The following CYSLTR1 variants were observed in gnomAD, a reference collection of about 807,000 sequenced individuals.
CYSLTR1 encodes G-protein coupled receptor HG55.
A neutral mutation model predicts 2.1 loss-of-function variants in CYSLTR1; 1 was observed. The observed-to-expected ratio is 0.48, with a 90% CI of 0.17 to 2.28. CYSLTR1 has a LOEUF of 2.28. CYSLTR1 is among the 30% of genes most tolerant of loss of function. The probability of loss-of-function intolerance (pLI) is 0.26; values close to 1 mark genes in which losing one functional copy is unlikely to be tolerated. For synonymous variants in CYSLTR1, 110 were observed against 89.6 expected (o/e 1.23, Z -1.28); for missense variants, 299 against 250.1 (o/e 1.20, Z -1.32).
intron 1 of CYSLTR1, among the ~76,000 whole-genome samples, chrX:78,307,667 T>C (rs1457041623): frequency 9.0e-6 from 1 of 111,508 alleles, no homozygotes; most frequent in Non-Finnish European, 1.9e-5. Flanking sequence ...ACAAGAATAC[T>C]TGGGGTCATC....
intron 1 of CYSLTR1, among the ~76,000 whole-genome samples, chrX:78,312,733 C>A (rs748341663): frequency 1.8e-5 from 2 of 111,989 alleles, no homozygotes; most frequent in Non-Finnish European, 3.8e-5. Context: ...TCACTAATCA[C>A]CAGAGAAATG....
At chrX:78,302,107 T>A (rs1922843107) in intron 1 of CYSLTR1, among the ~76,000 whole-genome samples, 2 of 112,091 alleles carry the variant, frequency 1.8e-5, no homozygotes, top group Non-Finnish European at 3.8e-5. Context: ...GAGTTTCAAA[T>A]CAAGATGAGA....
chrX:78,271,879 G>A lies in CYSLTR1; in HGVS notation c.*854C>T, dbSNP rs758543875. On this transcript the variant is annotated 3_prime_UTR_variant, in exon 3 of 3. Transcript: ENST00000373304. ...ATCCCAGCAATTGGCATATAGAAAA[G>A]TAGATTCCTTTTCCTTTTCTCTTCT... 3.6e-5 allele frequency: 4 copies of A among 112,245 alleles called. No homozygotes were observed. The highest frequency in any genetic ancestry group is 7.5e-5 in the Non-Finnish European group (4 of 53,231). 9.3% of individuals were successfully genotyped at this position (112,245 alleles called of 1,213,427 possible).
intron 2 of CYSLTR1, among the ~76,000 whole-genome samples, chrX:78,282,130 C>A (rs766686973): frequency 8.9e-6 from 1 of 111,935 alleles, no homozygotes; most frequent in Non-Finnish European, 1.9e-5. Flanking sequence ...CTTGAAATGG[C>A]CTTTCCTCCT....
At chrX:78,312,357 C>T (rs767188094) in intron 1 of CYSLTR1, among the ~76,000 whole-genome samples, 49 of 111,403 alleles carry the variant, frequency 4.4e-4, no homozygotes, top group African/African-American at 1.6e-3. Flanking sequence ...TGGAAAACCT[C>T]GAACCTTAAA....
intron 1 of CYSLTR1, among the ~76,000 whole-genome samples, chrX:78,300,164 T>C (rs902720692): frequency 2.7e-5 from 3 of 112,522 alleles, no homozygotes. Flanking sequence ...TAATCTTTGT[T>C]AAATTTACCT....
intron 1 of CYSLTR1, among the ~76,000 whole-genome samples, chrX:78,289,352 C>T (rs1441520736): frequency 1.8e-5 from 2 of 112,164 alleles, no homozygotes; most frequent in African/African-American, 6.5e-5. Flanking sequence ...TTTTCTTTAT[C>T]CAGTCTATCA....
intron 1 of CYSLTR1, among the ~76,000 whole-genome samples, chrX:78,313,715 G>A (rs321007): frequency 0.51 from 56,033 of 109,926 alleles, 12,679 homozygotes; most frequent in Non-Finnish European, 0.7. Context: ...GGCCCTGGAC[G>A]TGGGCATGGA....
chrX:78,317,137 G>GA (rs1359871957), intron 1 of CYSLTR1, among the ~76,000 whole-genome samples: 1 of 111,330 alleles, frequency 9.0e-6, no homozygotes, highest in Non-Finnish European at 1.9e-5. Context: ...AAATCAGCAA[G>GA]AAAAAAACAA....
intron 1 of CYSLTR1, among the ~76,000 whole-genome samples, chrX:78,308,803 C>G (rs955518667): frequency 9.0e-6 from 1 of 111,572 alleles, no homozygotes; most frequent in Non-Finnish European, 1.9e-5. Context: ...TCTCTTAGAG[C>G]TTAACTCAGG....
At chrX:78,289,669 A>G (rs1922231925) in intron 1 of CYSLTR1, among the ~76,000 whole-genome samples, 2 of 111,764 alleles carry the variant, frequency 1.8e-5, no homozygotes, top group Non-Finnish European at 3.8e-5. Flanking sequence ...CTGGCGTGAG[A>G]TGGTATCTCA....
Position 78,272,126 on chromosome X carries a change from G to T in CYSLTR1, c.*607C>A, listed in dbSNP as rs1300852548. ...TTCTCCTGTTGCCATATTGAACATT[G>T]TATGGTGCTTTTAGGACCCTTTAGC... On this transcript the variant is annotated 3_prime_UTR_variant, in exon 3 of 3. Transcript: ENST00000373304. 1 of 111,592 alleles carries T rather than the reference G, an allele frequency of 9.0e-6. No individual in the cohort carries two copies. Among genetic ancestry groups the T allele is most frequent in the African/African-American group, 3.3e-5 (1 of 30,718 alleles). The allele number at this position is 111,592 out of a possible 1,213,427, so 9.2% of individuals were successfully genotyped here.
At chrX:78,281,594 A>T (rs1921847261) in intron 2 of CYSLTR1, among the ~76,000 whole-genome samples, 1 of 111,322 alleles carries the variant, frequency 9.0e-6, no homozygotes, top group Non-Finnish European at 1.9e-5. Context: ...TTGATTTTTA[A>T]ATAATAGCCA....
chrX:78,305,529 T>TA (rs1048945788), intron 1 of CYSLTR1, among the ~76,000 whole-genome samples: 6 of 110,360 alleles, frequency 5.4e-5, no homozygotes, highest in African/African-American at 6.6e-5. Flanking sequence ...AAAATTTATT[T>TA]TTTTTCTAGA....
intron 1 of CYSLTR1, among the ~76,000 whole-genome samples, chrX:78,292,706 C>G (rs1007418900): frequency 3.6e-5 from 4 of 111,179 alleles, no homozygotes; most frequent in Non-Finnish European, 7.5e-5. Flanking sequence ...TGAATTGATC[C>G]CTTTACCATT....
At chrX:78,323,814 T>C (rs1044192948) in intron 1 of CYSLTR1, among the ~76,000 whole-genome samples, 1 of 111,580 alleles carries the variant, frequency 9.0e-6, no homozygotes, top group Non-Finnish European at 1.9e-5. Context: ...CAGTTCCACA[T>C]ATGTAGGAGC....
chrX:78,303,829 C>T (rs1263954419), intron 1 of CYSLTR1, among the ~76,000 whole-genome samples: 1 of 111,515 alleles, frequency 9.0e-6, no homozygotes, highest in Non-Finnish European at 1.9e-5. Context: ...CAAATCACTT[C>T]TTTTTTTATG....
At chrX:78,282,807 T>C (rs321071) in intron 2 of CYSLTR1, among the ~76,000 whole-genome samples, 61,067 of 110,787 alleles carry the variant, frequency 0.55, 13,927 homozygotes, top group Non-Finnish European at 0.72. Flanking sequence ...ATAATTAAAT[T>C]TGAAATTCTC....
At chrX:78,324,474 T>C (rs1923792549) in intron 1 of CYSLTR1, among the ~76,000 whole-genome samples, 1 of 111,736 alleles carries the variant, frequency 8.9e-6, no homozygotes, top group African/African-American at 3.3e-5. Flanking sequence ...TTCAAGCGAT[T>C]CTCCTGCCTC....
Sources: allele counts gnomAD v4.1 joint callset (sites outside exome capture counted in the v4.1 genomes callset), GRCh38; gene constraint gnomAD v4.1.1; transcripts MANE v1.5; gene names NCBI Gene and HGNC (gene_info 2026-07-23, HGNC 2026-07-21).